The following KLRG2 variants were observed in gnomAD, a reference collection of about 807,000 sequenced individuals.
The protein encoded by KLRG2 is killer cell lectin-like receptor subfamily G member 2.
In KLRG2, 39 loss-of-function variants were observed where a neutral mutation model predicts 35.4. The ratio of observed to expected loss-of-function variants is 1.10; its 90% CI spans 0.85 to 1.44. The LOEUF (loss-of-function observed/expected upper bound fraction) is 1.44, where lower values mean the gene tolerates loss of function less well. Ranked by LOEUF, KLRG2 falls within the 40% of genes most tolerant of loss-of-function variation. The pLI is 0.00. For synonymous variants in KLRG2, 283 were observed against 265.8 expected (o/e 1.06, Z -0.63); for missense variants, 632 against 570.9 (o/e 1.11, Z -1.09).
the KLRG2 span, among the ~76,000 whole-genome samples, chr7:139,442,280 C>T: frequency 2.0e-5 from 3 of 152,184 alleles, no homozygotes; most frequent in South Asian, 2.1e-4. Context: ...AACTGTCCAC[C>T]ATGAGCCTGC....
intron 3 of KLRG2, among the ~76,000 whole-genome samples, chr7:139,463,390 G>A (rs1796601419): frequency 6.6e-6 from 1 of 152,136 alleles, no homozygotes; most frequent in East Asian, 1.9e-4. Flanking sequence ...CAATAATAGA[G>A]CAGAGGCAGC....
At chr7:139,432,705 T>C in the KLRG2 span, among the ~76,000 whole-genome samples, 1 of 152,290 alleles carries the variant, frequency 6.6e-6, no homozygotes, top group South Asian at 2.1e-4. Context: ...TGGTGTGGCA[T>C]TTGCACATAA....
chr7:139,453,230 TG>T lies in KLRG2; in HGVS notation c.*356del, dbSNP rs1796400729. On this transcript the variant is annotated 3_prime_UTR_variant, in exon 5 of 5. Coordinates refer to ENST00000340940, the MANE Select transcript of KLRG2 (RefSeq NM_198508.4). The stretch of plus-strand genomic sequence containing the variant: ...CATGAGCCGGAATGAGAACCCAGAT[TG>T]GAATCCGCTGTGGTTGTTAACCCTG... 3 of 423,762 alleles carry T rather than the reference TG, an allele frequency of 7.1e-6. No homozygotes were observed. Among genetic ancestry groups the T allele is most frequent in the Admixed American group, 4.5e-5 (1 of 22,354 alleles). The allele number at this position is 423,762 out of a possible 1,614,324, so 26.3% of individuals were successfully genotyped here. A position where few individuals can be genotyped will look rare whatever the true frequency, so the allele number is the denominator to read the frequency against.
intron 3 of KLRG2, among the ~76,000 whole-genome samples, chr7:139,464,213 G>A (rs1053784130): frequency 2.0e-5 from 3 of 152,008 alleles, no homozygotes; most frequent in African/African-American, 4.8e-5. Flanking sequence ...CCTCCTTGGC[G>A]ATTGATCATG....
downstream of KLRG2, among the ~76,000 whole-genome samples, chr7:139,449,200 A>G (rs979858489): frequency 2.3e-4 from 35 of 151,914 alleles, no homozygotes; most frequent in African/African-American, 6.3e-4. Context: ...TCAGGAGTTC[A>G]AGACCAGCCT....
At chr7:139,441,220 C>T in the KLRG2 span, among the ~76,000 whole-genome samples, 1 of 152,206 alleles carries the variant, frequency 6.6e-6, no homozygotes, top group African/African-American at 2.4e-5. Flanking sequence ...TTGGAACCAA[C>T]CCAAATGTCT....
intron 3 of KLRG2, among the ~76,000 whole-genome samples, chr7:139,460,195 T>C (rs1796545120): frequency 6.6e-6 from 1 of 152,176 alleles, no homozygotes; most frequent in Non-Finnish European, 1.5e-5. Flanking sequence ...AGCAGATTTT[T>C]ACATGGGAAA....
At chr7:139,478,849 C>T (rs973457649) in intron 3 of KLRG2, among the ~76,000 whole-genome samples, 8 of 152,100 alleles carry the variant, frequency 5.3e-5, no homozygotes, top group Non-Finnish European at 1.0e-4. Flanking sequence ...TCAAACCAAG[C>T]CCTGGCAATC....
intron 3 of KLRG2, among the ~76,000 whole-genome samples, chr7:139,473,882 T>C (rs1327756183): frequency 1.3e-5 from 2 of 151,114 alleles, no homozygotes; most frequent in Non-Finnish European, 2.9e-5. Flanking sequence ...AAAATGTAAA[T>C]GAAGAAGAAA....
the KLRG2 span, among the ~76,000 whole-genome samples, chr7:139,432,048 GT>G: frequency 0.025 from 3,014 of 120,678 alleles, 33 homozygotes; most frequent in South Asian, 0.053. Flanking sequence ...GTAAATGTAT[GT>G]TTTAAAAAAA....
the KLRG2 span, among the ~76,000 whole-genome samples, chr7:139,438,920 T>TCCCCC: frequency 1.6e-5 from 1 of 63,036 alleles, no homozygotes; most frequent in African/African-American, 4.8e-5. Context: ...GATGATCCCC[T>TCCCCC]CCCCCCCCCC....
At chr7:139,460,819 T>C (rs547356051) in intron 3 of KLRG2, among the ~76,000 whole-genome samples, 2 of 151,872 alleles carry the variant, frequency 1.3e-5, no homozygotes, top group South Asian at 2.1e-4. Flanking sequence ...ATTAGCTGCA[T>C]GTGGTGGCAG....
At chr7:139,480,439 C>CTTTTTT (rs892455272) in intron 1 of KLRG2, among the ~76,000 whole-genome samples, 192 bp from the exon 2 acceptor site, 3 of 85,196 alleles carry the variant, frequency 3.5e-5, no homozygotes, top group African/African-American at 1.1e-4. Context: ...GCCAGATATT[C>CTTTTTT]TTTTTTTTTT....
chr7:139,465,142 T>C (rs1188566876), intron 3 of KLRG2, among the ~76,000 whole-genome samples: 1 of 152,224 alleles, frequency 6.6e-6, no homozygotes, highest in African/African-American at 2.4e-5. Flanking sequence ...TATAGTATCT[T>C]CCACACCTAT....
rs1312060252 is a variant in KLRG2, at chr7:139,471,660, CA to C, written c.1005+7966del. Among the ~76,000 whole-genome samples, 647 of 139,430 alleles carry C rather than the reference CA, an allele frequency of 4.6e-3. 3 individuals are homozygous for C. The highest frequency in any genetic ancestry group is 0.013 in the African/African-American group (506 of 38,240). The allele number at this position is 139,430 out of a possible 152,430, so 91.5% of individuals were successfully genotyped here. A position where few individuals can be genotyped will look rare whatever the true frequency, so the allele number is the denominator to read the frequency against. ...TGGACAGCTGAGCGAGACTCGGTCT[CA>C]AAAAAAAAAAAGAATTCACTTCCTG... On this transcript the variant is annotated intron_variant, in intron 3 of 4. Transcript: ENST00000340940.
chr7:139,430,390 G>A, the KLRG2 span, among the ~76,000 whole-genome samples: 7 of 139,652 alleles, frequency 5.0e-5, no homozygotes, highest in South Asian at 4.4e-4. Flanking sequence ...CAACAAGAGC[G>A]AAACTCCATC....
downstream of KLRG2, among the ~76,000 whole-genome samples, chr7:139,448,256 A>T (rs11765844): frequency 2.6e-5 from 4 of 151,786 alleles, no homozygotes; most frequent in African/African-American, 9.7e-5. Context: ...TCTGCCTCCT[A>T]AAGTCCTGTG....
the KLRG2 span, among the ~76,000 whole-genome samples, chr7:139,428,932 G>C: frequency 6.6e-6 from 1 of 152,190 alleles, no homozygotes; most frequent in East Asian, 1.9e-4. Flanking sequence ...TTCACTGTTA[G>C]ATCTAAGTAG....
intron 3 of KLRG2, among the ~76,000 whole-genome samples, chr7:139,463,610 G>A (rs1050008504): frequency 1.3e-5 from 2 of 152,200 alleles, no homozygotes; most frequent in Admixed American, 6.5e-5. Flanking sequence ...CCGCAGCCCA[G>A]GATTCCTCCT....
Sources: allele counts gnomAD v4.1 joint callset (sites outside exome capture counted in the v4.1 genomes callset), GRCh38; gene constraint gnomAD v4.1.1; transcripts MANE v1.5; gene names NCBI Gene and HGNC (gene_info 2026-07-23, HGNC 2026-07-21).